RANBP17: variants seen among roughly 807,000 people sequenced by gnomAD.
RANBP17 encodes ran-binding protein 17.
A neutral mutation model predicts 141.2 loss-of-function variants in RANBP17; 158 were observed. The ratio of observed to expected loss-of-function variants is 1.12; its 90% CI spans 0.98 to 1.28. The LOEUF is 1.28. RANBP17 is among the 50% of genes most tolerant of loss of function. The pLI is 0.00. For synonymous variants in RANBP17, 430 were observed against 450.0 expected, an observed-to-expected ratio of 0.96 and a Z score of 0.56; for missense variants, 1,438 against 1,290.7, an observed-to-expected ratio of 1.11 and a Z score of -1.75.
chr5:171,006,570 G>C (rs933429562), intron 14 of RANBP17, among the ~76,000 whole-genome samples: 3 of 152,080 alleles, frequency 2.0e-5, no homozygotes, highest in Non-Finnish European at 2.9e-5. Context: ...CACAGGAAGG[G>C]GAACATCACA....
At chr5:170,956,111 C>G (rs778437980) in intron 13 of RANBP17, among the ~76,000 whole-genome samples, 1 of 151,058 alleles carries the variant, frequency 6.6e-6, no homozygotes, top group African/African-American at 2.4e-5. Context: ...TATGTTTTTT[C>G]CAAATTTTCC....
intron 1 of RANBP17, among the ~76,000 whole-genome samples, chr5:170,872,916 T>C (rs1275079033): frequency 1.3e-5 from 2 of 152,152 alleles, no homozygotes; most frequent in Non-Finnish European, 2.9e-5. Context: ...TTTTTTTTCT[T>C]TTTTTCTTTT....
At chr5:171,276,137 C>T (rs578191719) in intron 25 of RANBP17, among the ~76,000 whole-genome samples, 1 of 152,300 alleles carries the variant, frequency 6.6e-6, no homozygotes, top group East Asian at 1.9e-4. Flanking sequence ...GTCAAAGAGG[C>T]AGTTGTTCAA....
At chr5:170,956,000 C>G (rs1291708036) in intron 13 of RANBP17, among the ~76,000 whole-genome samples, 1 of 150,950 alleles carries the variant, frequency 6.6e-6, no homozygotes, top group Admixed American at 6.6e-5. Context: ...TTTTTTTCCA[C>G]TTCTGATTAA....
At chr5:171,169,803 A>G (rs1171060659) in intron 14 of RANBP17, among the ~76,000 whole-genome samples, 1 of 151,924 alleles carries the variant, frequency 6.6e-6, no homozygotes, top group Non-Finnish European at 1.5e-5. Flanking sequence ...AGCCCTTTGC[A>G]TACCTACTCC....
chr5:171,105,037 G>A (rs1754687374), intron 14 of RANBP17, among the ~76,000 whole-genome samples: 2 of 152,086 alleles, frequency 1.3e-5, no homozygotes, highest in South Asian at 2.1e-4. Flanking sequence ...AGCATGTTGT[G>A]AGTACCTTTA....
chr5:170,968,954 T>C (rs1267933453), intron 14 of RANBP17, among the ~76,000 whole-genome samples: 4 of 151,862 alleles, frequency 2.6e-5, no homozygotes, highest in South Asian at 2.1e-4. Flanking sequence ...TAAGCAGATA[T>C]TTAGTAGCAT....
chr5:171,165,502 T>C (rs1759633646), intron 14 of RANBP17, among the ~76,000 whole-genome samples: 1 of 152,098 alleles, frequency 6.6e-6, no homozygotes, highest in Non-Finnish European at 1.5e-5. Flanking sequence ...TTATTATTAT[T>C]ACTATTTTAT....
At chr5:171,162,049 T>C (rs1759387688) in intron 14 of RANBP17, among the ~76,000 whole-genome samples, 1 of 152,244 alleles carries the variant, frequency 6.6e-6, no homozygotes. Context: ...CTGTCTGAAA[T>C]GCTCTTTCAA....
chr5:171,083,784 C>T (rs953453819), intron 14 of RANBP17, among the ~76,000 whole-genome samples: 18 of 151,996 alleles, frequency 1.2e-4, no homozygotes, highest in African/African-American at 4.4e-4. Flanking sequence ...AAATAAGTCT[C>T]ACAACATCTG....
At chr5:170,960,621 A>G (rs1450729090) in intron 13 of RANBP17, among the ~76,000 whole-genome samples, 2 of 152,198 alleles carry the variant, frequency 1.3e-5, no homozygotes, top group Admixed American at 1.3e-4. Context: ...CAGTTTAGCT[A>G]CTATCATCTT....
At chr5:171,071,687 G>A (rs1201529568) in intron 14 of RANBP17, among the ~76,000 whole-genome samples, 3 of 123,300 alleles carry the variant, frequency 2.4e-5, no homozygotes, top group African/African-American at 3.0e-5. Flanking sequence ...CCCTCAATAC[G>A]TCAACATGTA....
chr5:171,079,628 G>C (rs1360485700), intron 14 of RANBP17, among the ~76,000 whole-genome samples: 1 of 152,204 alleles, frequency 6.6e-6, no homozygotes, highest in Non-Finnish European at 1.5e-5. Flanking sequence ...ATCGAGGCCA[G>C]ACCCTCTGCC....
chr5:171,204,771 A>T lies in RANBP17; in HGVS notation c.2143-753A>T, dbSNP rs572009826. On this transcript the variant is annotated intron_variant, in intron 19 of 27. Transcript: ENST00000523189. The stretch of plus-strand genomic sequence containing the variant: ...TTTTTTTCTCTAAAACTAAATACTT[A>T]TGGAACATTTACTGTGTATCAAGCT... 1.1e-3 allele frequency among the ~76,000 whole-genome samples: 170 copies of T among 152,166 alleles called. 1 individual carries two copies. Among genetic ancestry groups the T allele is most frequent in the Non-Finnish European group, 1.1e-3 (74 of 68,020 alleles).
chr5:170,879,764 C>T (rs1592847), intron 2 of RANBP17, among the ~76,000 whole-genome samples: 95,836 of 151,852 alleles, frequency 0.63, 31,185 homozygotes, highest in South Asian at 0.9. Context: ...GCAGTAAAAA[C>T]TTATCACTGA....
At chr5:171,232,647 C>A (rs375145444) in intron 22 of RANBP17, among the ~76,000 whole-genome samples, 3 of 152,208 alleles carry the variant, frequency 2.0e-5, no homozygotes, top group East Asian at 1.9e-4. Flanking sequence ...CCAAAGTTAA[C>A]CATTATTAAC....
chr5:171,138,098 G>A (rs1432062398), intron 14 of RANBP17, among the ~76,000 whole-genome samples: 1 of 151,962 alleles, frequency 6.6e-6, no homozygotes, highest in Non-Finnish European at 1.5e-5. Context: ...GAACTAGATT[G>A]CCCTTGAGAA....
At chr5:170,919,089 A>C (rs555443368) in intron 10 of RANBP17, among the ~76,000 whole-genome samples, 1 of 152,110 alleles carries the variant, frequency 6.6e-6, no homozygotes, top group East Asian at 1.9e-4. Context: ...AATAAAATCT[A>C]TGTGAAGAAA....
chr5:170,992,825 C>T (rs1238015058), intron 14 of RANBP17, among the ~76,000 whole-genome samples: 1 of 151,922 alleles, frequency 6.6e-6, no homozygotes, highest in Non-Finnish European at 1.5e-5. Flanking sequence ...TGGCCTCAAA[C>T]TGAGGTCCCA....
Sources: gnomAD v4.1 joint callset for allele counts (sites outside exome capture counted in the v4.1 genomes callset) on GRCh38, gnomAD v4.1.1 for gene constraint, MANE v1.5 for transcripts, NCBI Gene and HGNC (gene_info 2026-07-23, HGNC 2026-07-21) for gene names.